Variants in CSMD1 observed in about 807,000 individuals in gnomAD.
The protein encoded by CSMD1 is CUB and sushi domain-containing protein 1.
In CSMD1, 213 loss-of-function variants were observed where a neutral mutation model predicts 417.5. That is an observed-to-expected ratio of 0.51 (90% CI 0.46 to 0.57). The LOEUF (loss-of-function observed/expected upper bound fraction) is 0.57. Among genes scored for constraint, CSMD1 ranks in the 20% least tolerant of loss-of-function variants. The probability of loss-of-function intolerance (pLI) is 0.00; values close to 1 mark genes in which losing one functional copy is unlikely to be tolerated. For missense variants in CSMD1, 6,923 were observed against 4,529.7 expected (o/e 1.53, Z -15.17); for synonymous variants, 2,862 against 1,736.8 (o/e 1.65, Z -16.11).
intron 1 of CSMD1, among the ~76,000 whole-genome samples, chr8:4,807,542 C>A (rs902931560): frequency 2.6e-5 from 4 of 152,132 alleles, no homozygotes; most frequent in Non-Finnish European, 4.4e-5. Context: ...GACACCAGTA[C>A]GTGTTCATTG....
chr8:4,233,064 A>G (rs1801839061), intron 3 of CSMD1, among the ~76,000 whole-genome samples: 1 of 152,210 alleles, frequency 6.6e-6, no homozygotes, highest in Non-Finnish European at 1.5e-5. Flanking sequence ...TAGGTTTATT[A>G]AAGCTCATTG....
chr8:3,613,989 A>T (rs1274685070), intron 8 of CSMD1, among the ~76,000 whole-genome samples: 1 of 151,902 alleles, frequency 6.6e-6, no homozygotes, highest in Non-Finnish European at 1.5e-5. Context: ...TTATTTGTAG[A>T]TAACAAAATC....
chr8:2,941,785 T>G lies in CSMD1; in HGVS notation c.10535+687A>C, dbSNP rs1173263361. Among the ~76,000 whole-genome samples the G allele has an allele frequency of 3.9e-5, 6 of 152,196 alleles. No individual in the cohort carries two copies. The South Asian group carries it at 1.0e-3, about 26-fold the overall frequency. On this transcript the variant is annotated intron_variant, in intron 69 of 69. Coordinates refer to ENST00000635120, the MANE Select transcript of CSMD1 (RefSeq NM_033225.6). Reference sequence around the variant, plus strand: ...TGTATTTGTTGAAGAAAGAAATCAATGAAACATCTATCAATCACAGATTCA... The same window carrying G: ...TGTATTTGTTGAAGAAAGAAATCAAGGAAACATCTATCAATCACAGATTCA...
At chr8:3,241,877 G>C (rs971963698) in intron 26 of CSMD1, among the ~76,000 whole-genome samples, 2 of 151,958 alleles carry the variant, frequency 1.3e-5, no homozygotes, top group African/African-American at 2.4e-5. Flanking sequence ...ATTAAGTCCT[G>C]TTGTGGGGTT....
Position 4,109,400 on chromosome 8 carries a change from A to G in CSMD1, c.416-77301T>C, listed in dbSNP as rs759253829. Among the ~76,000 whole-genome samples, 6 of 152,302 alleles carry G rather than the reference A, an allele frequency of 3.9e-5. No homozygotes were observed. In the East Asian group the frequency reaches 7.7e-4, roughly 20 times the overall value. ...CATATAATATAGTGACCTAGCAAAA[A>G]TAAAGAATCTTAATCACGGTGAAAG... On this transcript the variant is annotated intron_variant, in intron 3 of 69. Coordinates refer to ENST00000635120, the MANE Select transcript of CSMD1 (RefSeq NM_033225.6).
chr8:3,562,823 G>A (rs974504942), intron 10 of CSMD1, among the ~76,000 whole-genome samples: 1 of 151,912 alleles, frequency 6.6e-6, no homozygotes, highest in Admixed American at 6.6e-5. Flanking sequence ...AGGCGCACTA[G>A]GCTTATTTAC....
At chr8:4,562,408 TA>T (rs1224642988) in intron 2 of CSMD1, among the ~76,000 whole-genome samples, 3 of 152,192 alleles carry the variant, frequency 2.0e-5, no homozygotes, top group African/African-American at 7.2e-5. Flanking sequence ...ATTAGTAAAT[TA>T]TTTTAATTCT....
intron 5 of CSMD1, among the ~76,000 whole-genome samples, chr8:3,842,580 T>C (rs938740419): frequency 6.6e-6 from 1 of 152,138 alleles, no homozygotes; most frequent in African/African-American, 2.4e-5. Flanking sequence ...AAATAACACA[T>C]AAATCTCTTG....
At chr8:3,154,422 T>C (rs932874986) in intron 39 of CSMD1, among the ~76,000 whole-genome samples, 1 of 152,368 alleles carries the variant, frequency 6.6e-6, no homozygotes, top group South Asian at 2.1e-4. Flanking sequence ...GTAAATAGCA[T>C]ATTTAGAGTT....
At chr8:4,523,158 A>G (rs1442650721) in intron 2 of CSMD1, among the ~76,000 whole-genome samples, 1 of 152,158 alleles carries the variant, frequency 6.6e-6, no homozygotes, top group Non-Finnish European at 1.5e-5. Flanking sequence ...TGCTAATGGT[A>G]ATGATCTCGT....
intron 52 of CSMD1, among the ~76,000 whole-genome samples, chr8:3,017,501 A>C (rs12114278): frequency 0.074 from 11,277 of 152,242 alleles, 520 homozygotes; most frequent in African/African-American, 0.14. Flanking sequence ...TAAATATATT[A>C]CATAATACAC....
intron 4 of CSMD1, among the ~76,000 whole-genome samples, chr8:4,029,291 A>T (rs1206319540): frequency 1.3e-5 from 2 of 152,336 alleles, no homozygotes; most frequent in East Asian, 1.9e-4. Context: ...AAGTTGCATT[A>T]GTCTGTTTTC....
intron 3 of CSMD1, among the ~76,000 whole-genome samples, chr8:4,288,052 C>G (rs570057587): frequency 2.0e-5 from 3 of 152,146 alleles, no homozygotes; most frequent in Admixed American, 6.5e-5. Context: ...AAAGCTAAAA[C>G]AAGGAGGATA....
At chr8:4,473,574 A>C (rs1800646946) in intron 2 of CSMD1, among the ~76,000 whole-genome samples, 1 of 152,226 alleles carries the variant, frequency 6.6e-6, no homozygotes, top group Non-Finnish European at 1.5e-5. Flanking sequence ...TATCAATAGT[A>C]GTTATGCACA....
At chr8:2,946,761 G>C (rs1585035579) in intron 68 of CSMD1, among the ~76,000 whole-genome samples, 1 of 152,180 alleles carries the variant, frequency 6.6e-6, no homozygotes, top group African/African-American at 2.4e-5. Context: ...TGTAGGAATG[G>C]AATTGCTGGA....
intron 1 of CSMD1, among the ~76,000 whole-genome samples, chr8:4,754,748 CTGAGGCAGGAGATTCGTT>C (rs1410621072): frequency 6.6e-6 from 1 of 152,046 alleles, no homozygotes; most frequent in Admixed American, 6.6e-5. Flanking sequence ...ACTCAGGAGG[CTGAGGCAGGAGATTCGTT>C]TGAACCCAGG....
chr8:4,172,285 C>A (rs748850411), intron 3 of CSMD1, among the ~76,000 whole-genome samples: 2 of 152,116 alleles, frequency 1.3e-5, no homozygotes, highest in Admixed American at 6.5e-5. Flanking sequence ...TTTCCTCTTG[C>A]AATGCAGTAA....
chr8:3,287,369 T>C (rs566737493), intron 25 of CSMD1, among the ~76,000 whole-genome samples: 3 of 152,270 alleles, frequency 2.0e-5, no homozygotes, highest in Middle Eastern at 3.4e-3. Context: ...GGGGATGGCA[T>C]TGAATCTATA....
chr8:4,962,071 T>C (rs1383052950), intron 1 of CSMD1, among the ~76,000 whole-genome samples: 4 of 151,522 alleles, frequency 2.6e-5, no homozygotes, highest in East Asian at 3.9e-4. Context: ...ATATCTATTT[T>C]CTTTAAGTTT....
Sources: gnomAD v4.1 joint callset for allele counts (sites outside exome capture counted in the v4.1 genomes callset) on GRCh38, gnomAD v4.1.1 for gene constraint, MANE v1.5 for transcripts, NCBI Gene and HGNC (gene_info 2026-07-23, HGNC 2026-07-21) for gene names.